PHKG1: variants seen among roughly 807,000 people sequenced by gnomAD.
The protein encoded by PHKG1 is phosphorylase b kinase gamma catalytic chain, skeletal muscle/heart isoform.
PHKG1 carries 48 observed loss-of-function variants against 50.5 expected under a neutral mutation model. The observed-to-expected ratio is 0.95, with a 90% CI of 0.75 to 1.21. PHKG1 has a LOEUF of 1.21. PHKG1 is among the 50% of genes most tolerant of loss of function. The pLI is 0.00. For missense variants in PHKG1, 487 were observed against 519.5 expected, an observed-to-expected ratio of 0.94 and a Z score of 0.61; for synonymous variants, 204 against 212.8, an observed-to-expected ratio of 0.96 and a Z score of 0.36.
At position 56,081,660 on chromosome 7, in the gene PHKG1, C is replaced by T; in HGVS notation, c.888G>A (p.Val296=). 1 of 1,613,782 alleles carries T rather than the reference C, an allele frequency of 6.2e-7. No individual in the cohort carries two copies. Among genetic ancestry groups the T allele is most frequent in the Non-Finnish European group, 8.5e-7 (1 of 1,179,982 alleles). The change falls in exon 9 of 10, where the codon GTG becomes GTA. Residue 296 remains valine, a synonymous_variant. Transcript: ENST00000297373. This position sits in a 1 kb window ranked among gnomAD's most constrained non-coding sequence, Gnocchi z 4.6. ...ACTTCCCCCGGGGGCTGAAGTGCCG[C>T]ACTTCCTCCACCAAGTACTGCTGGA... is the stretch of plus-strand genomic sequence containing the variant. The part of the protein sequence containing the change: ...PFFQQYLVEE[V]RHFSPRGKFK...
At chr7:56,083,011 C>A in intron 6 of PHKG1, 1 of 383,132 alleles carries the variant, frequency 2.6e-6, no homozygotes, top group Non-Finnish European at 4.8e-6. Flanking sequence ...GAGGTTGAGG[C>A]AGGAGAATCA....
chr7:56,086,426 A>T lies in PHKG1; in HGVS notation c.317+544T>A, dbSNP rs577315209. On this transcript the variant is annotated intron_variant, in intron 4 of 9. Coordinates refer to ENST00000297373, the MANE Select transcript of PHKG1 (RefSeq NM_006213.5). ...GGTGGCTTATGCCTGTAATCCCAGC[A>T]CTTTGGGAGGCCGAGGTGGGAGAAT... Among the ~76,000 whole-genome samples the T allele has an allele frequency of 4.6e-5, 7 of 152,206 alleles. No individual in the cohort carries two copies. In the East Asian group the frequency reaches 1.4e-3, roughly 30 times the overall value.
Position 56,080,675 on chromosome 7 carries a change from T to G in PHKG1, c.*379A>C. The G allele has an allele frequency of 7.9e-6, 2 of 253,716 alleles. No homozygotes were observed. The highest frequency in any genetic ancestry group is 7.7e-6 in the Non-Finnish European group (1 of 129,674). The allele number at this position is 253,716 out of a possible 1,614,324, so 15.7% of individuals were successfully genotyped here. On this transcript the variant is annotated 3_prime_UTR_variant, in exon 10 of 10. Coordinates refer to ENST00000297373, the MANE Select transcript of PHKG1 (RefSeq NM_006213.5). Reference sequence around the variant, plus strand: ...CTCCTGCAATTGTGTATCTCAGACATTTGTGTCTTTGATCCTCACCCTGTG... The same window carrying G: ...CTCCTGCAATTGTGTATCTCAGACAGTTGTGTCTTTGATCCTCACCCTGTG...
chr7:56,085,436 G>A (rs1796210607), intron 4 of PHKG1, among the ~76,000 whole-genome samples: 1 of 152,152 alleles, frequency 6.6e-6, no homozygotes, highest in African/African-American at 2.4e-5. Flanking sequence ...AGAGCACTTT[G>A]TATTGTTCAC....
chr7:56,082,047 C>G lies in PHKG1; in HGVS notation c.639-1G>C. ...GTACATGATGACGCCAGTGCTCCACCTGGACATGCGAGGGCCCAGGGCCAC... is the reference window on the plus strand; with the variant it reads ...GTACATGATGACGCCAGTGCTCCACGTGGACATGCGAGGGCCCAGGGCCAC... On this transcript the variant is annotated splice_acceptor_variant, in intron 7 of 9. Transcript: ENST00000297373. LOFTEE classifies it high-confidence loss of function. 6.2e-7 allele frequency: 1 copy of G among 1,612,196 alleles called. No homozygotes were observed. The highest frequency in any genetic ancestry group is 8.5e-7 in the Non-Finnish European group (1 of 1,178,548).
At position 56,087,698 on chromosome 7, in the gene PHKG1, G is replaced by A. The variant is rs372183563; in HGVS notation, c.162C>T (p.Thr54=). ...QEYAVKVIDV[T]GGGSFSPEEV... Reference sequence around the variant, plus strand: ...CCTCCGGGCTGAAGCTGCCTCCACCGGTGACGTCGATGACCTTCACGGCGT... The same window carrying A: ...CCTCCGGGCTGAAGCTGCCTCCACCAGTGACGTCGATGACCTTCACGGCGT... Residue 54 remains threonine, a synonymous_variant, in exon 3 of 10, where the codon ACC becomes ACT. Coordinates refer to ENST00000297373, the MANE Select transcript of PHKG1 (RefSeq NM_006213.5). The A allele has an allele frequency of 4.7e-5, 76 of 1,613,790 alleles. No individual in the cohort carries two copies. The highest frequency in any genetic ancestry group is 6.0e-5 in the Non-Finnish European group (71 of 1,180,002).
chr7:56,092,181 C>T (rs1224172104), intron 1 of PHKG1, among the ~76,000 whole-genome samples: 1 of 152,218 alleles, frequency 6.6e-6, no homozygotes, highest in Non-Finnish European at 1.5e-5. Context: ...CCAGCTCTGA[C>T]TGGGGCCAAC....
At chr7:56,084,185 G>A in intron 4 of PHKG1, 1 of 1,534,748 alleles carries the variant, frequency 6.5e-7, no homozygotes, top group Non-Finnish European at 8.7e-7. Context: ...GGTGGACTTG[G>A]GAGAGTCCCA....
intron 1 of PHKG1, among the ~76,000 whole-genome samples, chr7:56,092,630 G>C (rs1796530610): frequency 6.6e-6 from 1 of 152,126 alleles, no homozygotes; most frequent in Non-Finnish European, 1.5e-5. Flanking sequence ...CCAAAAACCA[G>C]ATCAGTCCCG....
intron 6 of PHKG1, chr7:56,083,033 GA>G (rs1796086671): frequency 4.8e-6 from 2 of 420,412 alleles, no homozygotes; most frequent in Non-Finnish European, 8.7e-6. Context: ...TTGAACTCGG[GA>G]GGTGGAAGTT....
At chr7:56,083,495 G>C in intron 5 of PHKG1, 54 bp from the exon 6 acceptor site, 1 of 1,594,386 alleles carries the variant, frequency 6.3e-7, no homozygotes, top group Non-Finnish European at 8.6e-7. Context: ...CAGGTAACAG[G>C]CAGGGAGACA....
chr7:56,084,439 T>TCTCGGCTCACTGCAAC (rs1796165357), intron 4 of PHKG1, among the ~76,000 whole-genome samples: 1 of 146,884 alleles, frequency 6.8e-6, no homozygotes, highest in Non-Finnish European at 1.5e-5. Context: ...AATGATGCAA[T>TCTCGGCTCACTGCAAC]CTCGGCTCAC....
In PHKG1 at chr7:56,083,391, T is replaced by C; in HGVS notation, c.434A>G (p.Asn145Ser). Reference sequence around the variant, plus strand: ...GGGCTTCAGGTCCCGGTGCACGATGTTGAGTTTGTGCAAGGTGCAGATCAC... The same window carrying C: ...GGGCTTCAGGTCCCGGTGCACGATGCTGAGTTTGTGCAAGGTGCAGATCAC... ...LEVICTLHKL[N>S]IVHRDLKPEN... The change falls in exon 6 of 10, where the codon AAC becomes AGC. Residue 145 changes from asparagine to serine, a missense_variant. Asn to Ser is a conservative substitution (Grantham distance 46, BLOSUM62 1). Coordinates refer to ENST00000297373, the MANE Select transcript of PHKG1 (RefSeq NM_006213.5). The C allele has an allele frequency of 6.2e-7, 1 of 1,614,174 alleles. No homozygotes were observed.
At chr7:56,087,914 G>A in intron 2 of PHKG1, 138 bp from the exon 3 acceptor site, 1 of 657,026 alleles carries the variant, frequency 1.5e-6, no homozygotes, top group Non-Finnish European at 2.6e-6. Context: ...TTTTGGAAAT[G>A]GTGGATGAAT....
chr7:56,091,814 A>G (rs563536483), intron 1 of PHKG1, among the ~76,000 whole-genome samples: 1 of 152,294 alleles, frequency 6.6e-6, no homozygotes, highest in South Asian at 2.1e-4. Context: ...GTTTAGAATA[A>G]CAAGTCCCCT....
At chr7:56,092,265 G>C (rs755027247) in intron 1 of PHKG1, among the ~76,000 whole-genome samples, 37 of 152,064 alleles carry the variant, frequency 2.4e-4, no homozygotes, top group Non-Finnish European at 3.8e-4. Flanking sequence ...GTCACCACAT[G>C]GGAGTAGGTG....
intron 6 of PHKG1, 30 bp downstream of exon 6, chr7:56,083,247 CT>C: frequency 6.2e-7 from 1 of 1,610,606 alleles, no homozygotes. Context: ...CACCCGAGGC[CT>C]GGACGTGGGC....
In PHKG1 at chr7:56,083,568, G is replaced by C. The variant is rs1584623074; in HGVS notation, c.383+82C>G. 7 of 1,487,740 alleles carry C rather than the reference G, an allele frequency of 4.7e-6. No individual in the cohort carries two copies. The East Asian group carries it at 1.6e-4, about 34-fold the overall frequency. 92.2% of individuals were successfully genotyped at this position (1,487,740 alleles called of 1,614,324 possible). On this transcript the variant is annotated intron_variant, in intron 5 of 9. Coordinates refer to ENST00000297373, the MANE Select transcript of PHKG1 (RefSeq NM_006213.5). ...ACACGCCCAGCCCAGACATGTGCAC[G>C]CCCTGCCTCCCCTGAGACCCCAGTG...
At chr7:56,084,443 G>A (rs1331721644) in intron 4 of PHKG1, among the ~76,000 whole-genome samples, 2 of 146,656 alleles carry the variant, frequency 1.4e-5, no homozygotes, top group African/African-American at 5.1e-5. Flanking sequence ...ATGCAATCTC[G>A]GCTCACTGCA....
Sources: allele counts gnomAD v4.1 joint callset (sites outside exome capture counted in the v4.1 genomes callset), GRCh38; gene constraint gnomAD v4.1.1; non-coding constraint Gnocchi (gnomAD v3.1); transcripts MANE v1.5; gene names NCBI Gene and HGNC (gene_info 2026-07-23, HGNC 2026-07-21).